Variants in CAMTA1 observed in about 807,000 individuals in gnomAD.
CAMTA1 encodes calmodulin binding transcription activator 1, also known as calmodulin-binding transcription activator 1.
A neutral mutation model predicts 170.9 loss-of-function variants in CAMTA1; 27 were observed. The ratio of observed to expected loss-of-function variants is 0.16; its 90% CI spans 0.12 to 0.22. The LOEUF (loss-of-function observed/expected upper bound fraction) is 0.22, where lower values mean the gene tolerates loss of function less well. Ranked by LOEUF, CAMTA1 falls within the 10% of genes least tolerant of loss-of-function variation. The pLI is 1.00. For synonymous variants in CAMTA1, 833 were observed against 891.5 expected (o/e 0.93, Z 1.17); for missense variants, 1,619 against 2,217.2 (o/e 0.73, Z 5.42).
intron 6 of CAMTA1, among the ~76,000 whole-genome samples, chr1:7,611,248 C>T (rs11577471): frequency 0.2 from 29,912 of 152,096 alleles, 3,866 homozygotes; most frequent in African/African-American, 0.36. Context: ...TTATTTATCA[C>T]GTTGATATTT....
intron 6 of CAMTA1, among the ~76,000 whole-genome samples, chr1:7,494,539 T>C (rs997986087): frequency 6.6e-6 from 1 of 152,038 alleles, no homozygotes; most frequent in Non-Finnish European, 1.5e-5. Flanking sequence ...TGCGGTGGCT[T>C]ACACCTGTAA....
chr1:6,956,015 C>T (rs1291481601), intron 3 of CAMTA1, among the ~76,000 whole-genome samples: 3 of 152,154 alleles, frequency 2.0e-5, no homozygotes, highest in Non-Finnish European at 4.4e-5. Context: ...CAGTATCTTC[C>T]GCTCGAGCAG....
At chr1:7,049,203 C>T (rs964424470) in intron 3 of CAMTA1, among the ~76,000 whole-genome samples, 2 of 152,064 alleles carry the variant, frequency 1.3e-5, no homozygotes, top group African/African-American at 2.4e-5. Context: ...GCTGAAGATC[C>T]GGCGGGGACC....
At chr1:7,404,069 T>C (rs2090115632) in intron 5 of CAMTA1, among the ~76,000 whole-genome samples, 1 of 152,144 alleles carries the variant, frequency 6.6e-6, no homozygotes, top group Non-Finnish European at 1.5e-5. Context: ...TCTCATTTTA[T>C]TCTCACAAAT....
At chr1:7,393,379 T>C (rs2088941827) in intron 5 of CAMTA1, among the ~76,000 whole-genome samples, 1 of 152,004 alleles carries the variant, frequency 6.6e-6, no homozygotes, top group Non-Finnish European at 1.5e-5. Context: ...AATCCTCTAG[T>C]CTCAGCCTTT....
At chr1:7,309,458 C>A in intron 5 of CAMTA1, among the ~76,000 whole-genome samples, 1 of 151,604 alleles carries the variant, frequency 6.6e-6, no homozygotes, top group East Asian at 1.9e-4. Context: ...CGCCACTACG[C>A]CCGGCTAATT....
At chr1:7,139,300 AT>A (rs1483746544) in intron 4 of CAMTA1, among the ~76,000 whole-genome samples, 4 of 94,792 alleles carry the variant, frequency 4.2e-5, no homozygotes, top group Non-Finnish European at 1.0e-4. Context: ...TATTTATAAA[AT>A]TATATAATAT....
chr1:7,130,432 A>G (rs1645184722), intron 4 of CAMTA1, among the ~76,000 whole-genome samples: 1 of 152,208 alleles, frequency 6.6e-6, no homozygotes, highest in African/African-American at 2.4e-5. Flanking sequence ...ACATGTACAC[A>G]TCTTTGAGCA....
intron 3 of CAMTA1, among the ~76,000 whole-genome samples, chr1:6,985,096 G>A (rs768672257): frequency 1.3e-5 from 2 of 152,214 alleles, no homozygotes; most frequent in African/African-American, 4.8e-5. Flanking sequence ...AGCCCACACC[G>A]ATTACAAGGC....
intron 7 of CAMTA1, among the ~76,000 whole-genome samples, chr1:7,654,754 T>TACAC (rs150500274): frequency 0.7 from 95,052 of 135,226 alleles, 33,397 homozygotes; most frequent in East Asian, 0.93. Flanking sequence ...CACACACATA[T>TACAC]ACAAACACAC....
In CAMTA1 at chr1:7,570,668, G is replaced by GC. The variant is rs2095114327; in HGVS notation, c.511-69730dup. Among the ~76,000 whole-genome samples the GC allele has an allele frequency of 6.6e-6, 1 of 152,230 alleles. No homozygotes were observed. Among genetic ancestry groups the GC allele is most frequent in the African/African-American group, 2.4e-5 (1 of 41,462 alleles). On this transcript the variant is annotated intron_variant, in intron 6 of 22. Coordinates refer to ENST00000303635, the MANE Select transcript of CAMTA1 (RefSeq NM_015215.4). The surrounding 1 kb of genome is among the most constrained non-coding windows in gnomAD (Gnocchi z 4.3). Reference sequence around the variant, plus strand: ...GCCTGGCACTGCCCTGTTCACCAAGGCCAAGGTCCTGTCAGCCTCCTGCTG... The same window carrying GC: ...GCCTGGCACTGCCCTGTTCACCAAGGCCCAAGGTCCTGTCAGCCTCCTGCTG...
intron 5 of CAMTA1, among the ~76,000 whole-genome samples, chr1:7,398,108 G>A (rs1166432019): frequency 7.2e-6 from 1 of 138,512 alleles, no homozygotes; most frequent in Non-Finnish European, 1.5e-5. Flanking sequence ...TACTATTATT[G>A]TATTGCAATC....
rs1014491115 is a variant in CAMTA1 at position 7,341,483 on chromosome 1, C to T, written c.438+91857C>T. The stretch of plus-strand genomic sequence containing the variant: ...TATCTAAGAGCAAACAAAGTAGGTG[C>T]GAGATTGTCTCTGGTAAGGAAGAAT... On this transcript the variant is annotated intron_variant, in intron 5 of 22. Transcript: ENST00000303635. 2.0e-5 allele frequency among the ~76,000 whole-genome samples: 3 copies of T among 152,292 alleles called. No homozygotes were observed. In the South Asian group the frequency reaches 6.2e-4, roughly 32 times the overall value.
intron 4 of CAMTA1, among the ~76,000 whole-genome samples, chr1:7,098,635 A>T (rs1418694299): frequency 2.0e-5 from 3 of 152,212 alleles, no homozygotes; most frequent in African/African-American, 7.2e-5. Flanking sequence ...CCCAGATTCC[A>T]GTTATCTTTA....
At chr1:6,823,877 C>T (rs1646809014) in intron 2 of CAMTA1, among the ~76,000 whole-genome samples, 1 of 151,984 alleles carries the variant, frequency 6.6e-6, no homozygotes, top group Admixed American at 6.6e-5. Context: ...AATTGTAAGG[C>T]CTATTAAGTT....
chr1:7,242,386 T>C (rs1665013953), intron 4 of CAMTA1, among the ~76,000 whole-genome samples: 1 of 152,232 alleles, frequency 6.6e-6, no homozygotes, highest in Non-Finnish European at 1.5e-5. Context: ...CAGTTTTATT[T>C]TTATCTAATA....
chr1:6,831,112 C>G (rs1222652294), intron 3 of CAMTA1, among the ~76,000 whole-genome samples: 1 of 152,142 alleles, frequency 6.6e-6, no homozygotes, highest in East Asian at 1.9e-4. Context: ...GCCATCGCGC[C>G]CGGCCCGATA....
intron 3 of CAMTA1, among the ~76,000 whole-genome samples, chr1:6,867,764 A>C (rs997538122): frequency 5.3e-5 from 8 of 152,206 alleles, no homozygotes; most frequent in Non-Finnish European, 1.2e-4. Flanking sequence ...TAGATTAAAA[A>C]TAATAAACTT....
intron 4 of CAMTA1, among the ~76,000 whole-genome samples, chr1:7,095,395 G>A (rs1300694218): frequency 2.0e-5 from 3 of 152,202 alleles, no homozygotes; most frequent in Admixed American, 6.5e-5. Flanking sequence ...AGGATTGTCC[G>A]GTTGAGCCAG....
Sources: gnomAD v4.1 joint callset for allele counts (sites outside exome capture counted in the v4.1 genomes callset) on GRCh38, gnomAD v4.1.1 for gene constraint, Gnocchi (gnomAD v3.1) non-coding constraint, MANE v1.5 for transcripts, NCBI Gene and HGNC (gene_info 2026-07-23, HGNC 2026-07-21) for gene names.